SRGAP3: variants seen among roughly 807,000 people sequenced by gnomAD.
The protein encoded by SRGAP3 is SLIT-ROBO Rho GTPase activating protein 3.
A neutral mutation model predicts 121.1 loss-of-function variants in SRGAP3; 39 were observed. The ratio of observed to expected loss-of-function variants is 0.32; its 90% CI spans 0.25 to 0.42. SRGAP3 has a LOEUF of 0.42. SRGAP3 is among the 10% of genes least tolerant of loss of function. The pLI is 1.00. For missense variants in SRGAP3, 1,213 were observed against 1,470.6 expected, an observed-to-expected ratio of 0.82 and a Z score of 2.86; for synonymous variants, 601 against 570.0, an observed-to-expected ratio of 1.05 and a Z score of -0.77.
At chr3:9,338,192 TG>T (rs972684032) in intron 1 of SRGAP3, among the ~76,000 whole-genome samples, 5 of 151,916 alleles carry the variant, frequency 3.3e-5, no homozygotes, top group African/African-American at 9.7e-5. Flanking sequence ...GGCTTGCACT[TG>T]GGGGGGAATG....
intron 3 of SRGAP3, among the ~76,000 whole-genome samples, chr3:9,294,061 G>A (rs1954911739): frequency 6.6e-6 from 1 of 152,108 alleles, no homozygotes; most frequent in South Asian, 2.1e-4. Flanking sequence ...TATTCCAATA[G>A]CAAAGACATG....
rs1952793116 is a variant in SRGAP3, at chr3:9,220,967, C to G, written c.67+27918G>C. 2.0e-5 allele frequency among the ~76,000 whole-genome samples: 3 copies of G among 152,224 alleles called. No homozygotes were observed. In the South Asian group the frequency reaches 6.2e-4, roughly 32 times the overall value. On this transcript the variant is annotated intron_variant, in intron 1 of 21. Transcript: ENST00000383836. ...CACCTCCCATCCTCTCAGGTCCCAC[C>G]TCTGTCCCACCCCGCTGGTGACAGC...
At chr3:9,135,276 A>G (rs188818890) in intron 1 of SRGAP3, among the ~76,000 whole-genome samples, 1 of 152,152 alleles carries the variant, frequency 6.6e-6, no homozygotes, top group African/African-American at 2.4e-5. Context: ...GCCATTTCTC[A>G]TCTCCTTAAA....
At chr3:9,269,242 G>C (rs1954428392) in intron 3 of SRGAP3, among the ~76,000 whole-genome samples, 2 of 152,186 alleles carry the variant, frequency 1.3e-5, no homozygotes. Context: ...CTGAAAACAA[G>C]AAGAGTCAAT....
chr3:9,139,217 ATGT>A (rs1949766868), intron 1 of SRGAP3, among the ~76,000 whole-genome samples: 1 of 152,198 alleles, frequency 6.6e-6, no homozygotes, highest in South Asian at 2.1e-4. Flanking sequence ...AATAAATGAA[ATGT>A]TGTATGTGTT....
Position 8,982,841 on chromosome 3 carries a change from G to GAA in SRGAP3, c.*2676_*2677dup, listed in dbSNP as rs76957770. ...TGAACTCATCAGCCATTTCCCAATGGAAAAAAAAAAAAAAGGTGCTTAAAG... is the reference window on the plus strand; with the variant it reads ...TGAACTCATCAGCCATTTCCCAATGGAAAAAAAAAAAAAAAAGGTGCTTAAAG... On this transcript the variant is annotated 3_prime_UTR_variant, in exon 22 of 22. Coordinates refer to ENST00000383836, the MANE Select transcript of SRGAP3 (RefSeq NM_014850.4). The GAA allele has an allele frequency of 2.3e-4, 45 of 199,066 alleles. No individual in the cohort carries two copies. The highest frequency in any genetic ancestry group is 2.9e-4 in the East Asian group (4 of 13,788). 12.3% of individuals were successfully genotyped at this position (199,066 alleles called of 1,614,324 possible).
intron 3 of SRGAP3, among the ~76,000 whole-genome samples, chr3:9,082,185 C>A (rs575876542): frequency 6.6e-6 from 1 of 152,208 alleles, no homozygotes; most frequent in African/African-American, 2.4e-5. Flanking sequence ...CTGCTCCACC[C>A]TCACCTTCTA....
chr3:9,060,773 C>T (rs1946124349), intron 5 of SRGAP3, among the ~76,000 whole-genome samples: 1 of 151,954 alleles, frequency 6.6e-6, no homozygotes, highest in East Asian at 1.9e-4. Context: ...TAGCTGCCTG[C>T]CACCCAAGCC....
At chr3:9,264,318 G>T (rs1559249980) in intron 3 of SRGAP3, among the ~76,000 whole-genome samples, 2 of 152,172 alleles carry the variant, frequency 1.3e-5, no homozygotes, top group Non-Finnish European at 2.9e-5. Flanking sequence ...CACAAGACAA[G>T]GATGCCCTCT....
intron 4 of SRGAP3, among the ~76,000 whole-genome samples, chr3:9,078,621 A>G (rs1484323710): frequency 6.6e-6 from 1 of 152,180 alleles, no homozygotes. Flanking sequence ...GAATTCTCAC[A>G]GGGACGTGCA....
intron 18 of SRGAP3, among the ~76,000 whole-genome samples, chr3:9,000,792 AG>A (rs1942712253): frequency 6.6e-6 from 1 of 152,226 alleles, no homozygotes; most frequent in African/African-American, 2.4e-5. Context: ...AGAGCAATTT[AG>A]GACCAAGGGC....
At chr3:9,056,473 T>A (rs1945828009) in intron 7 of SRGAP3, 139 bp from the exon 8 acceptor site, 1 of 858,454 alleles carries the variant, frequency 1.2e-6, no homozygotes, top group Non-Finnish European at 1.8e-6. Flanking sequence ...CTGCTCAAGG[T>A]CACAGAGCTC....
intron 3 of SRGAP3, among the ~76,000 whole-genome samples, chr3:9,290,510 A>C (rs1455802683): frequency 6.6e-6 from 1 of 152,196 alleles, no homozygotes; most frequent in Non-Finnish European, 1.5e-5. Context: ...AACCTTATCC[A>C]GTAGGTAATG....
intron 3 of SRGAP3, among the ~76,000 whole-genome samples, chr3:9,083,976 T>C (rs2125276187): frequency 6.6e-6 from 1 of 152,196 alleles, no homozygotes; most frequent in South Asian, 2.1e-4. Flanking sequence ...TGTCCCCTCA[T>C]CCCCGCAAAC....
chr3:9,122,402 A>C (rs1053871966), intron 2 of SRGAP3, among the ~76,000 whole-genome samples: 1 of 152,178 alleles, frequency 6.6e-6, no homozygotes, highest in Non-Finnish European at 1.5e-5. Context: ...CTCCTGCAGC[A>C]GAAGTTTGAA....
chr3:9,039,383 G>A (rs1426236997), intron 10 of SRGAP3, among the ~76,000 whole-genome samples: 2 of 152,112 alleles, frequency 1.3e-5, no homozygotes, highest in African/African-American at 2.4e-5. Context: ...CTAAGTGACC[G>A]CAAGTGCTTA....
intron 1 of SRGAP3, chr3:9,236,213 T>A (rs1200092878): frequency 5.6e-6 from 1 of 177,456 alleles, no homozygotes; most frequent in Non-Finnish European, 1.2e-5. Flanking sequence ...GGAGAGCTTC[T>A]ATTCATCCTT....
At chr3:9,217,857 C>T (rs1198664991) in intron 1 of SRGAP3, 1 of 152,078 alleles carries the variant, frequency 6.6e-6, no homozygotes, top group Non-Finnish European at 1.5e-5. Flanking sequence ...AGGCCCCAGG[C>T]CCCCCAAGCC....
At position 9,059,362 on chromosome 3, in the gene SRGAP3, G is replaced by C. The variant is rs1365892463; in HGVS notation, c.801+869C>G. ...GGCAAAAAAAGAAAGCGAAAAGCAG[G>C]AAAGAGGAAGGTCTGGCCTTGGGCC... On this transcript the variant is annotated intron_variant, in intron 6 of 21. Coordinates refer to ENST00000383836, the MANE Select transcript of SRGAP3 (RefSeq NM_014850.4). 15 of 152,428 alleles carry C rather than the reference G, an allele frequency of 9.8e-5. No homozygotes were observed. In the East Asian group the frequency reaches 2.9e-3, roughly 29 times the overall value. 9.4% of individuals were successfully genotyped at this position (152,428 alleles called of 1,614,324 possible). A position where few individuals can be genotyped will look rare whatever the true frequency, so the allele number is the denominator to read the frequency against.
Sources: allele counts gnomAD v4.1 joint callset (sites outside exome capture counted in the v4.1 genomes callset), GRCh38; gene constraint gnomAD v4.1.1; transcripts MANE v1.5; gene names NCBI Gene and HGNC (gene_info 2026-07-23, HGNC 2026-07-21).